Variants in PIGK observed in about 807,000 individuals in gnomAD.
PIGK encodes the protein phosphatidylinositol glycan anchor biosynthesis class K, also known as GPI-anchor transamidase.
PIGK carries 42 observed loss-of-function variants against 50.6 expected under a neutral mutation model. The ratio of observed to expected loss-of-function variants is 0.83; its 90% CI spans 0.65 to 1.07. The LOEUF (loss-of-function observed/expected upper bound fraction) is 1.07. Among genes scored for constraint, PIGK ranks in the 50% least tolerant of loss-of-function variants. The pLI is 0.00. For missense variants in PIGK, 448 were observed against 488.7 expected (o/e 0.92, Z 0.78); for synonymous variants, 151 against 156.0 (o/e 0.97, Z 0.24).
chr1:77,188,467 C>A (rs900565089), intron 3 of PIGK, among the ~76,000 whole-genome samples: 1 of 152,156 alleles, frequency 6.6e-6, no homozygotes, highest in Non-Finnish European at 1.5e-5. Flanking sequence ...ATCTCAAAAC[C>A]CTGTCTCCTG....
At chr1:77,132,468 A>G (rs1232327400) in intron 9 of PIGK, among the ~76,000 whole-genome samples, 1 of 151,954 alleles carries the variant, frequency 6.6e-6, no homozygotes, top group Non-Finnish European at 1.5e-5. Flanking sequence ...CAACATTACC[A>G]TTTCTTCAAT....
chr1:77,161,221 A>G, intron 8 of PIGK, 74 bp downstream of exon 8: 2 of 765,976 alleles, frequency 2.6e-6, no homozygotes, highest in Non-Finnish European at 2.4e-6. Flanking sequence ...CTAGGAGTGC[A>G]GGGAATAATA....
chr1:77,160,456 T>C (rs1655107514), intron 8 of PIGK, among the ~76,000 whole-genome samples: 3 of 152,202 alleles, frequency 2.0e-5, no homozygotes, highest in African/African-American at 4.8e-5. Flanking sequence ...GCTGAAGTGC[T>C]AGAGGACAGA....
chr1:77,101,233 T>C (rs905699141), intron 10 of PIGK, among the ~76,000 whole-genome samples: 3 of 152,216 alleles, frequency 2.0e-5, no homozygotes, highest in African/African-American at 7.2e-5. Flanking sequence ...GTTATGACAT[T>C]ACCTTTATGT....
At chr1:77,161,243 A>T in intron 8 of PIGK, 52 bp downstream of exon 8, 1 of 865,758 alleles carries the variant, frequency 1.2e-6, no homozygotes, top group Non-Finnish European at 2.0e-6. Flanking sequence ...ACTTCTTTTC[A>T]CATTAAGGTT....
chr1:77,107,212 T>C (rs1371894152), intron 10 of PIGK, among the ~76,000 whole-genome samples: 8 of 152,226 alleles, frequency 5.3e-5, no homozygotes, highest in Non-Finnish European at 7.3e-5. Flanking sequence ...TCCTGCTTTC[T>C]CTTGTGGGCA....
intron 2 of PIGK, among the ~76,000 whole-genome samples, chr1:77,208,608 C>T (rs945396217): frequency 3.4e-4 from 52 of 152,258 alleles, no homozygotes; most frequent in African/African-American, 1.2e-3. Context: ...CAATAGTTCT[C>T]CTTACTTTTA....
intron 10 of PIGK, among the ~76,000 whole-genome samples, chr1:77,114,176 T>C (rs1190868026): frequency 6.6e-6 from 1 of 152,146 alleles, no homozygotes; most frequent in African/African-American, 2.4e-5. Flanking sequence ...GGAGGAAGTA[T>C]ACCACAGTAG....
intron 3 of PIGK, among the ~76,000 whole-genome samples, chr1:77,173,262 A>C (rs1317923426): frequency 6.6e-6 from 1 of 152,234 alleles, no homozygotes; most frequent in Non-Finnish European, 1.5e-5. Context: ...AATTAGTCTC[A>C]TCTACGGATG....
chr1:77,120,572 C>T (rs1654074809), intron 10 of PIGK, among the ~76,000 whole-genome samples: 1 of 152,102 alleles, frequency 6.6e-6, no homozygotes, highest in South Asian at 2.1e-4. Context: ...GGCAACGTAA[C>T]TCTTATGTTT....
At chr1:77,150,223 G>GAAAT (rs1157189994) in intron 9 of PIGK, among the ~76,000 whole-genome samples, 4 of 151,852 alleles carry the variant, frequency 2.6e-5, no homozygotes, top group Non-Finnish European at 5.9e-5. Flanking sequence ...TAGAAGAAAA[G>GAAAT]AAATAAGGAT....
At chr1:77,116,120 AC>A (rs1653955882) in intron 10 of PIGK, among the ~76,000 whole-genome samples, 1 of 152,020 alleles carries the variant, frequency 6.6e-6, no homozygotes, top group African/African-American at 2.4e-5. Context: ...TAGTGGAGGG[AC>A]CTAAATTCAT....
chr1:77,166,510 AT>A (rs1259420725), intron 5 of PIGK, among the ~76,000 whole-genome samples: 2 of 151,972 alleles, frequency 1.3e-5, no homozygotes, highest in African/African-American at 2.4e-5. Flanking sequence ...TAGTAAAAAA[AT>A]ATAGAGATAA....
chr1:77,131,635 G>A (rs1342014575), intron 9 of PIGK, among the ~76,000 whole-genome samples: 1 of 152,036 alleles, frequency 6.6e-6, no homozygotes, highest in East Asian at 1.9e-4. Flanking sequence ...TTATTCAAAT[G>A]TTTTTTCTGT....
chr1:77,129,248 G>A (rs767642124), intron 9 of PIGK: 2 of 1,609,042 alleles, frequency 1.2e-6, no homozygotes, highest in East Asian at 2.2e-5. Context: ...AAAAAGCCAC[G>A]AAGTATCTGA....
chr1:77,131,890 G>A (rs554355409), intron 9 of PIGK, among the ~76,000 whole-genome samples: 1 of 151,964 alleles, frequency 6.6e-6, no homozygotes, highest in Non-Finnish European at 1.5e-5. Flanking sequence ...AATTATATTC[G>A]TTCCACCAAA....
At chr1:77,190,855 C>T (rs1209860636) in intron 3 of PIGK, among the ~76,000 whole-genome samples, 1 of 152,160 alleles carries the variant, frequency 6.6e-6, no homozygotes, top group Non-Finnish European at 1.5e-5. Flanking sequence ...ACCATGTGTA[C>T]CAGTAGCCTA....
chr1:77,195,415 C>T (rs2100578945), intron 3 of PIGK: 3 of 1,057,438 alleles, frequency 2.8e-6, no homozygotes, highest in East Asian at 5.0e-5. Context: ...GCTTAGGGTG[C>T]TCACTTCCTG....
intron 3 of PIGK, among the ~76,000 whole-genome samples, chr1:77,202,735 T>C (rs1656198739): frequency 6.6e-6 from 1 of 152,074 alleles, no homozygotes; most frequent in South Asian, 2.1e-4. Flanking sequence ...AGAAAAGCTA[T>C]TGGATTTTAT....
Sources: allele counts gnomAD v4.1 joint callset (sites outside exome capture counted in the v4.1 genomes callset), GRCh38; gene constraint gnomAD v4.1.1; transcripts MANE v1.5; gene names NCBI Gene and HGNC (gene_info 2026-07-23, HGNC 2026-07-21).